SF3A3: variants seen among roughly 807,000 people sequenced by gnomAD.
The protein encoded by SF3A3 is SAP 61.
Under a neutral mutation model 85.8 loss-of-function variants are expected in SF3A3, and 9 were observed. The ratio of observed to expected loss-of-function variants is 0.10; its 90% CI spans 0.06 to 0.18. SF3A3 has a LOEUF of 0.18. Ranked by LOEUF, SF3A3 falls within the 10% of genes least tolerant of loss-of-function variation. The probability of loss-of-function intolerance (pLI) is 1.00; values close to 1 mark genes in which losing one functional copy is unlikely to be tolerated. For missense variants in SF3A3, 306 were observed against 593.3 expected, an observed-to-expected ratio of 0.52 and a Z score of 5.03; for synonymous variants, 195 against 204.4, an observed-to-expected ratio of 0.95 and a Z score of 0.39.
intron 12 of SF3A3, 44 bp from the exon 13 acceptor site, chr1:37,969,779 G>A (rs1203957747): frequency 2.5e-6 from 4 of 1,591,934 alleles, no homozygotes; most frequent in Non-Finnish European, 3.4e-6. Context: ...AAGTAGTGCA[G>A]AATAAGAAGG....
At chr1:37,960,024 A>T in intron 16 of SF3A3, 96 bp downstream of exon 16, 1 of 867,924 alleles carries the variant, frequency 1.2e-6, no homozygotes. Flanking sequence ...TCGCTGCTGC[A>T]GTACACCAGG....
rs115812998 is a variant in SF3A3, at chr1:37,971,575, T to C, written c.1006-1840A>G. The stretch of plus-strand genomic sequence containing the variant: ...ACAAAAAAAAGAGAATTTTAGACAA[T>C]ATCCCTGATGAACATCGATCCAAAA... On this transcript the variant is annotated intron_variant, in intron 12 of 16. Transcript: ENST00000373019. Among the ~76,000 whole-genome samples, 872 of 152,240 alleles carry C rather than the reference T, an allele frequency of 5.7e-3. 7 individuals are homozygous for C. Among genetic ancestry groups the C allele is most frequent in the African/African-American group, 0.02 (845 of 41,528 alleles).
intron 8 of SF3A3, among the ~76,000 whole-genome samples, chr1:37,980,292 C>T (rs958639351): frequency 1.2e-4 from 19 of 152,122 alleles, no homozygotes; most frequent in South Asian, 4.2e-4. Flanking sequence ...GGTGTGGAGG[C>T]GCGTGCCTGT....
chr1:37,961,725 C>T (rs1209690041), intron 15 of SF3A3, among the ~76,000 whole-genome samples: 32 of 99,104 alleles, frequency 3.2e-4, no homozygotes, highest in South Asian at 3.6e-4. Flanking sequence ...AGAATCTAAC[C>T]AAGAATTCAG....
chr1:37,975,256 G>A (rs950533614), intron 12 of SF3A3, among the ~76,000 whole-genome samples: 19 of 152,172 alleles, frequency 1.2e-4, no homozygotes, highest in Admixed American at 3.3e-4. Context: ...AGAGGCCGTC[G>A]AGTGGCTCCA....
At chr1:37,985,800 C>T (rs1344203614) in intron 4 of SF3A3, among the ~76,000 whole-genome samples, 1 of 152,148 alleles carries the variant, frequency 6.6e-6, no homozygotes, top group Non-Finnish European at 1.5e-5. Flanking sequence ...AGGGTCCCTT[C>T]ATTTACCTCC....
Position 37,981,821 on chromosome 1 carries a change from GGAAA to G in SF3A3, c.469-14_469-11del. ...TGATATAATCCAGCTTCTGAAAAGA[GGAAA>G]GAAATGACAAGAAATTCAGTTAGGT... On this transcript the variant is annotated splice_polypyrimidine_tract_variant and intron_variant, in intron 6 of 16. Coordinates refer to ENST00000373019, the MANE Select transcript of SF3A3 (RefSeq NM_006802.4). 1 of 1,489,046 alleles carries G rather than the reference GGAAA, an allele frequency of 6.7e-7. No individual in the cohort carries two copies. Among genetic ancestry groups the G allele is most frequent in the Middle Eastern group, 1.7e-4 (1 of 5,788 alleles). 92.2% of individuals were successfully genotyped at this position (1,489,046 alleles called of 1,614,324 possible).
intron 2 of SF3A3, among the ~76,000 whole-genome samples, chr1:37,988,492 C>G (rs939040338): frequency 2.0e-5 from 3 of 152,174 alleles, no homozygotes; most frequent in Admixed American, 1.3e-4. Flanking sequence ...AAGCCTATCA[C>G]AGGTTCGGGC....
At chr1:37,969,312 T>C (rs1646323169) in intron 14 of SF3A3, 42 bp downstream of exon 14, 3 of 1,451,898 alleles carry the variant, frequency 2.1e-6, no homozygotes, top group Non-Finnish European at 1.9e-6. Context: ...AGTCTCATGT[T>C]TTTACTTCAA....
At chr1:37,976,468 T>TA (rs1420735060) in intron 12 of SF3A3, among the ~76,000 whole-genome samples, 1 of 152,166 alleles carries the variant, frequency 6.6e-6, no homozygotes, top group East Asian at 1.9e-4. Context: ...TATGAACATG[T>TA]AAGTTGACTT....
At position 37,989,588 on chromosome 1, in the gene SF3A3, T is replaced by G; in HGVS notation, c.104A>C (p.Asp35Ala). Reference sequence around the variant, plus strand: ...AGTGCGGTGATCAGAATTGATCTGGTCCCGGAGCTGAAAAAACAAACGGTG... The same window carrying G: ...AGTGCGGTGATCAGAATTGATCTGGGCCCGGAGCTGAAAAAACAAACGGTG... Reference protein sequence around the residue: ...EMLTKKSTLRDQINSDHRTRA... With the variant: ...EMLTKKSTLRAQINSDHRTRA... The change falls in exon 2 of 17, where the codon GAC (aspartate) becomes GCC (alanine). Residue 35 changes from aspartate to alanine, a missense_variant. By Grantham distance (126) the Asp-to-Ala change is moderately radical (BLOSUM62 -2). This residue lies in a region of SF3A3 where 152 missense variants were observed against 192.0 expected (regional missense o/e 0.79). Coordinates refer to ENST00000373019, the MANE Select transcript of SF3A3 (RefSeq NM_006802.4). 1 of 1,613,918 alleles carries G rather than the reference T, an allele frequency of 6.2e-7. No individual in the cohort carries two copies. The highest frequency in any genetic ancestry group is 1.1e-5 in the South Asian group (1 of 91,056).
chr1:37,968,030 T>G lies in SF3A3; in HGVS notation c.1372+14A>C. ...TTGTACTCGCCTAGGAGACAGTAAA[T>G]AAATCTTACTTACAGGAGACAGCAT... On this transcript the variant is annotated intron_variant, in intron 15 of 16. Coordinates refer to ENST00000373019, the MANE Select transcript of SF3A3 (RefSeq NM_006802.4). 1 of 1,559,950 alleles carries G rather than the reference T, an allele frequency of 6.4e-7. No individual in the cohort carries two copies. The highest frequency in any genetic ancestry group is 8.8e-7 in the Non-Finnish European group (1 of 1,130,574).
intron 15 of SF3A3, among the ~76,000 whole-genome samples, chr1:37,962,914 C>CT (rs1489407647): frequency 6.6e-6 from 1 of 151,796 alleles, no homozygotes; most frequent in Non-Finnish European, 1.5e-5. Context: ...AGTGAAACCC[C>CT]ACCTCTACTA....
intron 12 of SF3A3, 127 bp downstream of exon 12, chr1:37,976,757 T>C (rs1317449800): frequency 2.9e-6 from 2 of 686,158 alleles, no homozygotes; most frequent in Non-Finnish European, 5.2e-6. Context: ...CTCTATTTTG[T>C]GCCATACTAG....
chr1:37,961,499 G>A (rs902363370), intron 15 of SF3A3, among the ~76,000 whole-genome samples: 1 of 151,646 alleles, frequency 6.6e-6, no homozygotes, highest in Non-Finnish European at 1.5e-5. Context: ...CAGGAGAATC[G>A]CTTGAACCTG....
chr1:37,972,836 C>T (rs1001245515), intron 12 of SF3A3, among the ~76,000 whole-genome samples: 14 of 152,226 alleles, frequency 9.2e-5, no homozygotes, highest in Non-Finnish European at 1.8e-4. Context: ...AAAGCTGAAA[C>T]TGGATTCCTT....
At chr1:37,973,776 G>A (rs1646359610) in intron 12 of SF3A3, among the ~76,000 whole-genome samples, 1 of 152,158 alleles carries the variant, frequency 6.6e-6, no homozygotes, top group African/African-American at 2.4e-5. Flanking sequence ...AAAGACACAT[G>A]CACACTTACG....
At chr1:37,983,789 A>G (rs1457160873) in intron 6 of SF3A3, among the ~76,000 whole-genome samples, 1 of 151,634 alleles carries the variant, frequency 6.6e-6, no homozygotes, top group Non-Finnish European at 1.5e-5. Context: ...GACAAAAATT[A>G]GCCAAGTGTG....
Position 37,990,011 on chromosome 1 carries a change from G to A in SF3A3, c.-46C>T. 2 of 1,437,670 alleles carry A rather than the reference G, an allele frequency of 1.4e-6. No individual in the cohort carries two copies. Among genetic ancestry groups the A allele is most frequent in the East Asian group, 2.3e-5 (1 of 44,046 alleles). 89.1% of individuals were successfully genotyped at this position (1,437,670 alleles called of 1,614,324 possible). A position where few individuals can be genotyped will look rare whatever the true frequency, so the allele number is the denominator to read the frequency against. On this transcript the variant is annotated 5_prime_UTR_variant, in exon 1 of 17. Coordinates refer to ENST00000373019, the MANE Select transcript of SF3A3 (RefSeq NM_006802.4). ...TCAATTCAGACCACCAACACGGCCG[G>A]AAGCAACTCCTGCCGCCCAGCGCGC...
Sources: gnomAD v4.1 joint callset for allele counts (sites outside exome capture counted in the v4.1 genomes callset) on GRCh38, gnomAD v4.1.1 for gene constraint, gnomAD v4.1.1 regional missense constraint, MANE v1.5 for transcripts, NCBI Gene and HGNC (gene_info 2026-07-23, HGNC 2026-07-21) for gene names.